Variants in RXFP1 observed in about 807,000 individuals in gnomAD.
RXFP1 encodes the protein relaxin family peptide receptor 1.
A neutral mutation model predicts 89.8 loss-of-function variants in RXFP1; 73 were observed. The ratio of observed to expected loss-of-function variants is 0.81; its 90% CI spans 0.67 to 0.99. The LOEUF (loss-of-function observed/expected upper bound fraction) is 0.99, where lower values mean the gene tolerates loss of function less well. RXFP1 is among the 50% of genes least tolerant of loss of function. The pLI is 0.00. For synonymous variants in RXFP1, 277 were observed against 305.5 expected, an observed-to-expected ratio of 0.91 and a Z score of 0.97; for missense variants, 793 against 895.5, an observed-to-expected ratio of 0.89 and a Z score of 1.46.
At chr4:158,548,819 A>C (rs1749264793) in intron 1 of RXFP1, among the ~76,000 whole-genome samples, 1 of 152,214 alleles carries the variant, frequency 6.6e-6, no homozygotes, top group Admixed American at 6.5e-5. Flanking sequence ...CCGAGAGATC[A>C]GCTGTTAGTC....
At position 158,617,200 on chromosome 4, in the gene RXFP1, T is replaced by C. The variant is rs745863468; in HGVS notation, c.750T>C (p.His250=). 12 of 1,606,122 alleles carry C rather than the reference T, an allele frequency of 7.5e-6. No individual in the cohort carries two copies. In the Middle Eastern group the frequency reaches 6.6e-4, roughly 88 times the overall value. The change falls in exon 9 of 18, where the codon CAT becomes CAC. Residue 250 remains histidine (H), a synonymous_variant. Coordinates refer to ENST00000307765, the MANE Select transcript of RXFP1 (RefSeq NM_021634.4). ...TCTGTCAACACATGCCAAGACTACATTGGCTGTAAGCGATTCTGTCTTTTT... is the reference window on the plus strand; with the variant it reads ...TCTGTCAACACATGCCAAGACTACACTGGCTGTAAGCGATTCTGTCTTTTT... The part of the protein sequence containing the change: ...KPLCQHMPRL[H]WLDLEGNHIH...
chr4:158,651,724 A>G (rs1376742164), intron 17 of RXFP1, 33 bp from the exon 18 acceptor site: 19 of 1,529,350 alleles, frequency 1.2e-5, no homozygotes, highest in Non-Finnish European at 1.7e-5. Flanking sequence ...AAACATCTAT[A>G]AACACTAAAA....
chr4:158,648,498 G>C lies in RXFP1; in HGVS notation c.1757-1G>C. The C allele has an allele frequency of 6.5e-7, 1 of 1,541,304 alleles. No individual in the cohort carries two copies. Among genetic ancestry groups the C allele is most frequent in the Non-Finnish European group, 8.9e-7 (1 of 1,124,616 alleles). On this transcript the variant is annotated splice_acceptor_variant, in intron 16 of 17. Coordinates refer to ENST00000307765, the MANE Select transcript of RXFP1 (RefSeq NM_021634.4). LOFTEE classifies it high-confidence loss of function. ...AATAATACTGTTTGTATTCCAAATA[G>C]GTATTAATTTGGCCGCATTTATCAT...
chr4:158,618,627 G>C (rs1381788110), intron 9 of RXFP1, among the ~76,000 whole-genome samples: 1 of 151,788 alleles, frequency 6.6e-6, no homozygotes, highest in Non-Finnish European at 1.5e-5. Flanking sequence ...TTCTTACCTT[G>C]CATGAACTTT....
At chr4:158,641,129 A>G (rs1304574053) in intron 14 of RXFP1, among the ~76,000 whole-genome samples, 1 of 152,264 alleles carries the variant, frequency 6.6e-6, no homozygotes, top group East Asian at 1.9e-4. Context: ...ATAGTTCCTC[A>G]GAAAGATGGC....
rs892874547 is a variant in RXFP1, at chr4:158,653,062, A to C, written c.*1007A>C. 6.6e-6 allele frequency: 1 copy of C among 152,232 alleles called. No homozygotes were observed. The highest frequency in any genetic ancestry group is 2.4e-5 in the African/African-American group (1 of 41,474). 9.4% of individuals were successfully genotyped at this position (152,232 alleles called of 1,614,324 possible). On this transcript the variant is annotated 3_prime_UTR_variant, in exon 18 of 18. Transcript: ENST00000307765. ...TTAATTTCAGGAAGGAAAGGTCTGTATGTACACATTTCACTTTAAGCAGAA... is the reference window on the plus strand; with the variant it reads ...TTAATTTCAGGAAGGAAAGGTCTGTCTGTACACATTTCACTTTAAGCAGAA...
chr4:158,633,020 A>C, intron 11 of RXFP1, among the ~76,000 whole-genome samples: 1 of 152,112 alleles, frequency 6.6e-6, no homozygotes, highest in East Asian at 1.9e-4. Flanking sequence ...AAATACAAAA[A>C]TTAGCCAGGC....
chr4:158,561,933 C>T (rs537393011), intron 1 of RXFP1, among the ~76,000 whole-genome samples: 5 of 152,194 alleles, frequency 3.3e-5, no homozygotes, highest in African/African-American at 1.2e-4. Flanking sequence ...CGGCCTCAAC[C>T]TGTATTTTAA....
chr4:158,531,852 T>G (rs188799776), intron 1 of RXFP1, among the ~76,000 whole-genome samples: 1 of 152,338 alleles, frequency 6.6e-6, no homozygotes, highest in Admixed American at 6.5e-5. Flanking sequence ...TAATTCAAAG[T>G]AGCTTGGTTT....
chr4:158,572,914 C>A, intron 2 of RXFP1, 79 bp downstream of exon 2: 2 of 1,540,598 alleles, frequency 1.3e-6, no homozygotes, highest in Non-Finnish European at 1.8e-6. Flanking sequence ...CTTCTCTCAA[C>A]AAAAAGACAA....
In RXFP1 at chr4:158,608,195, G is replaced by A. The variant is rs148894269; in HGVS notation, c.536+152G>A. The A allele has an allele frequency of 6.5e-3, 3,011 of 461,988 alleles. 16 individuals are homozygous for A. The highest frequency in any genetic ancestry group is 7.9e-3 in the Non-Finnish European group (2,045 of 258,316). The allele number at this position is 461,988 out of a possible 1,614,324, so 28.6% of individuals were successfully genotyped here. A position where few individuals can be genotyped will look rare whatever the true frequency, so the allele number is the denominator to read the frequency against. The stretch of plus-strand genomic sequence containing the variant: ...GTAGAGCACCGTGGCTAAGAGCATA[G>A]GATTGTGAGTTAGACAGGCTTCAGT... On this transcript the variant is annotated intron_variant, in intron 6 of 17. Transcript: ENST00000307765.
At chr4:158,623,524 A>AAAAAAAAAAAAAAAAAAAAAAAAAAAC in intron 9 of RXFP1, among the ~76,000 whole-genome samples, 1 of 148,298 alleles carries the variant, frequency 6.7e-6, no homozygotes, top group Non-Finnish European at 1.5e-5. Context: ...AAAAAAAAAA[A>AAAAAAAAAAAAAAAAAAAAAAAAAAAC]AAGATAATCC....
chr4:158,607,852 C>T (rs1762791774), intron 5 of RXFP1, 120 bp from the exon 6 acceptor site: 2 of 612,808 alleles, frequency 3.3e-6, no homozygotes, highest in African/African-American at 1.9e-5. Flanking sequence ...CCTTCAGAGG[C>T]ATTAAGCACA....
At chr4:158,543,987 C>A in intron 1 of RXFP1, 1 of 985,420 alleles carries the variant, frequency 1.0e-6, no homozygotes, top group African/African-American at 1.7e-5. Flanking sequence ...ATGTTTCGTC[C>A]ATTTTGCCCC....
At chr4:158,553,000 C>G (rs1360624518) in intron 1 of RXFP1, among the ~76,000 whole-genome samples, 1 of 152,084 alleles carries the variant, frequency 6.6e-6, no homozygotes, top group African/African-American at 2.4e-5. Context: ...GCCTAGACAA[C>G]ATAGCAAGAC....
chr4:158,634,130 T>C (rs2150214188), intron 12 of RXFP1, among the ~76,000 whole-genome samples: 2 of 152,344 alleles, frequency 1.3e-5, no homozygotes, highest in East Asian at 3.9e-4. Flanking sequence ...CCATTTTACA[T>C]TTCCGCTAGT....
rs960902894 is a variant in RXFP1 at position 158,583,700 on chromosome 4, C to G, written c.188-9701C>G. Among the ~76,000 whole-genome samples, 4 of 152,184 alleles carry G rather than the reference C, an allele frequency of 2.6e-5. 1 individual carries two copies. The highest frequency in any genetic ancestry group is 1.3e-4 in the Admixed American group (2 of 15,278). On this transcript the variant is annotated intron_variant, in intron 2 of 17. Transcript: ENST00000307765. The stretch of plus-strand genomic sequence containing the variant: ...GAAAATACAGACCTAGCTTTAACCT[C>G]AAATTTGTTTATTTGTGTTTTATGA...
chr4:158,544,404 GAAGT>G (rs1747660259), intron 1 of RXFP1: 6 of 974,934 alleles, frequency 6.2e-6, no homozygotes, highest in Non-Finnish European at 6.1e-6. Flanking sequence ...GGTCATAGAG[GAAGT>G]AAGTTAGAAG....
At chr4:158,640,568 A>G (rs1348445729) in intron 14 of RXFP1, among the ~76,000 whole-genome samples, 1 of 152,186 alleles carries the variant, frequency 6.6e-6, no homozygotes, top group East Asian at 1.9e-4. Flanking sequence ...TTTCATGTGA[A>G]ATAATAGAAG....
Sources: allele counts gnomAD v4.1 joint callset (sites outside exome capture counted in the v4.1 genomes callset), GRCh38; gene constraint gnomAD v4.1.1; transcripts MANE v1.5; gene names NCBI Gene and HGNC (gene_info 2026-07-23, HGNC 2026-07-21).